Variants in HIBCH observed in about 807,000 individuals in gnomAD.
HIBCH encodes the protein 3-hydroxyisobutyryl-CoA hydrolase.
Under a neutral mutation model 58.2 loss-of-function variants are expected in HIBCH, and 50 were observed. That is an observed-to-expected ratio of 0.86 (90% CI 0.68 to 1.09). The LOEUF is 1.09. Among genes scored for constraint, HIBCH ranks in the 50% least tolerant of loss-of-function variants. The pLI is 0.00. For missense variants in HIBCH, 450 were observed against 449.7 expected (o/e 1.00, Z -0.01); for synonymous variants, 151 against 146.9 (o/e 1.03, Z -0.20).
intron 13 of HIBCH, 167 bp downstream of exon 13, chr2:190,208,713 A>G: frequency 1.7e-6 from 1 of 604,672 alleles, no homozygotes; most frequent in Non-Finnish European, 3.0e-6. Flanking sequence ...CATTATACTT[A>G]TGGTCCAATG....
At chr2:190,218,006 T>A (rs1685607478) in intron 11 of HIBCH, among the ~76,000 whole-genome samples, 1 of 152,162 alleles carries the variant, frequency 6.6e-6, no homozygotes, top group Non-Finnish European at 1.5e-5. Flanking sequence ...AAGGAAACCC[T>A]ATTGGATAGG....
chr2:190,232,077 C>A (rs184081218), intron 11 of HIBCH, among the ~76,000 whole-genome samples: 3 of 152,200 alleles, frequency 2.0e-5, no homozygotes, highest in Admixed American at 6.5e-5. Flanking sequence ...TGCCTGTAAT[C>A]CCAGCTACTT....
chr2:190,288,770 T>C (rs540569571), intron 5 of HIBCH, among the ~76,000 whole-genome samples: 5 of 152,322 alleles, frequency 3.3e-5, no homozygotes, highest in African/African-American at 1.2e-4. Context: ...ATTTGTCTAC[T>C]TTGCTGTATA....
intron 9 of HIBCH, among the ~76,000 whole-genome samples, chr2:190,247,378 C>A (rs911256899): frequency 1.3e-5 from 2 of 152,064 alleles, no homozygotes; most frequent in Admixed American, 1.3e-4. Flanking sequence ...TTACTCAATT[C>A]GACAACAGGA....
chr2:190,255,297 C>T (rs545555615), intron 7 of HIBCH, among the ~76,000 whole-genome samples: 1 of 152,180 alleles, frequency 6.6e-6, no homozygotes, highest in Non-Finnish European at 1.5e-5. Context: ...GTTCCTTTAA[C>T]AGGCCAAGTT....
intron 11 of HIBCH, among the ~76,000 whole-genome samples, chr2:190,223,170 C>T (rs1403488077): frequency 2.0e-5 from 3 of 152,046 alleles, no homozygotes; most frequent in African/African-American, 7.2e-5. Context: ...ACCTAATGTA[C>T]GTGACAGGTT....
chr2:190,209,739 G>A lies in HIBCH; in HGVS notation c.1012-826C>T, dbSNP rs1690473958. 6.6e-6 allele frequency among the ~76,000 whole-genome samples: 1 copy of A among 152,116 alleles called. No homozygotes were observed. Among genetic ancestry groups the A allele is most frequent in the Admixed American group, 6.5e-5 (1 of 15,276 alleles). On this transcript the variant is annotated intron_variant, in intron 12 of 13. Coordinates refer to ENST00000359678, the MANE Select transcript of HIBCH (RefSeq NM_014362.4). This position sits in a 1 kb window ranked among gnomAD's most constrained non-coding sequence, Gnocchi z 5.6. Reference sequence around the variant, plus strand: ...CATCCCCTCTTGCCTTCTCAAGGATGGACTTTGCTTGATGTGGTCATTCAC... The same window carrying A: ...CATCCCCTCTTGCCTTCTCAAGGATAGACTTTGCTTGATGTGGTCATTCAC...
intron 6 of HIBCH, among the ~76,000 whole-genome samples, chr2:190,264,336 C>T (rs1156990060): frequency 6.6e-6 from 1 of 150,746 alleles, no homozygotes; most frequent in Non-Finnish European, 1.5e-5. Flanking sequence ...GGTACACAAA[C>T]AGTAACAAAT....
chr2:190,209,186 C>G lies in HIBCH; in HGVS notation c.1012-273G>C, dbSNP rs573897494. 2.5e-4 allele frequency among the ~76,000 whole-genome samples: 38 copies of G among 152,306 alleles called. No homozygotes were observed. Among genetic ancestry groups the G allele is most frequent in the African/African-American group, 8.7e-4 (36 of 41,564 alleles). The stretch of plus-strand genomic sequence containing the variant: ...CCATCTGTGCTGGCTTCACTTTGCT[C>G]TTCATCCAGCCCAATTTCACCAGTC... On this transcript the variant is annotated intron_variant, in intron 12 of 13. Coordinates refer to ENST00000359678, the MANE Select transcript of HIBCH (RefSeq NM_014362.4). The surrounding 1 kb of genome is among the most constrained non-coding windows in gnomAD (Gnocchi z 5.6).
chr2:190,309,728 G>A (rs769774660), intron 2 of HIBCH, among the ~76,000 whole-genome samples: 1 of 151,500 alleles, frequency 6.6e-6, no homozygotes, highest in Admixed American at 6.6e-5. Flanking sequence ...GCTAATTTTT[G>A]TATTTTTTTT....
chr2:190,282,766 C>T (rs983497254), intron 6 of HIBCH, among the ~76,000 whole-genome samples: 1 of 150,122 alleles, frequency 6.7e-6, no homozygotes, highest in Non-Finnish European at 1.5e-5. Context: ...AACGGCTATA[C>T]AAGATGTTTA....
intron 1 of HIBCH, 128 bp downstream of exon 1, chr2:190,319,588 G>C: frequency 1.3e-6 from 1 of 775,808 alleles, no homozygotes; most frequent in South Asian, 1.5e-5. Context: ...CCAAGGTTGG[G>C]GTCTCACAGC....
chr2:190,313,232 C>CCCTTTCCCCTT (rs35883602), intron 1 of HIBCH, among the ~76,000 whole-genome samples: 1 of 151,472 alleles, frequency 6.6e-6, no homozygotes, highest in Admixed American at 6.6e-5. Flanking sequence ...CAGCCTATTC[C>CCCTTTCCCCTT]CCTTATTTAA....
chr2:190,270,782 C>A (rs1687374827), intron 6 of HIBCH, among the ~76,000 whole-genome samples: 1 of 152,060 alleles, frequency 6.6e-6, no homozygotes, highest in South Asian at 2.1e-4. Flanking sequence ...GAACAGCAGG[C>A]TGCAAAGTAA....
intron 11 of HIBCH, among the ~76,000 whole-genome samples, chr2:190,220,667 C>G (rs1685690618): frequency 6.6e-6 from 1 of 151,706 alleles, no homozygotes; most frequent in Non-Finnish European, 1.5e-5. Context: ...GCATACTGTG[C>G]TAACAGGCCC....
At chr2:190,287,528 T>TTAAACAGAATAAATAAAAAA (rs1409911232) in intron 6 of HIBCH, 58 bp downstream of exon 6, 57 of 1,083,130 alleles carry the variant, frequency 5.3e-5, no homozygotes, top group Non-Finnish European at 7.9e-5. Context: ...TTAATAATTA[T>TTAAACAGAATAAATAAAAAA]TAACTTATTT....
chr2:190,301,273 A>C lies in HIBCH; in HGVS notation c.79-4320T>G, dbSNP rs558092515. ...GGGGAAGGAAAACCCTCAAGCTTGT[A>C]GCCCTAGGTCTATGATAAAGTCTCA... On this transcript the variant is annotated intron_variant, in intron 2 of 13. Coordinates refer to ENST00000359678, the MANE Select transcript of HIBCH (RefSeq NM_014362.4). Among the ~76,000 whole-genome samples, 3 of 152,296 alleles carry C rather than the reference A, an allele frequency of 2.0e-5. No homozygotes were observed. In the East Asian group the frequency reaches 5.8e-4, roughly 29 times the overall value.
chr2:190,247,506 A>G (rs1686644384), intron 9 of HIBCH, among the ~76,000 whole-genome samples: 1 of 152,126 alleles, frequency 6.6e-6, no homozygotes, highest in African/African-American at 2.4e-5. Flanking sequence ...AGTTCTGGGT[A>G]ATTTATTTGG....
rs141415392 is a variant in HIBCH, at chr2:190,253,800, A to G, written c.518-1493T>C. ...CTACATCCCTTACTACTCACTCCCA[A>G]TACTCCAGCCACTCTGGTCTTCTTT... On this transcript the variant is annotated intron_variant, in intron 7 of 13. Transcript: ENST00000359678. 4.8e-3 allele frequency among the ~76,000 whole-genome samples: 730 copies of G among 152,100 alleles called. 4 individuals carry two copies. Among genetic ancestry groups the G allele is most frequent in the Non-Finnish European group, 8.3e-3 (566 of 67,972 alleles).
Sources: gnomAD v4.1 joint callset for allele counts (sites outside exome capture counted in the v4.1 genomes callset) on GRCh38, gnomAD v4.1.1 for gene constraint, Gnocchi (gnomAD v3.1) non-coding constraint, MANE v1.5 for transcripts, NCBI Gene and HGNC (gene_info 2026-07-23, HGNC 2026-07-21) for gene names.